Variants in LRRC37A2 observed in about 807,000 individuals in gnomAD.
LRRC37A2 encodes leucine-rich repeat-containing protein 37A2.
Under a neutral mutation model 68.8 loss-of-function variants are expected in LRRC37A2, and 9 were observed. The observed-to-expected ratio is 0.13, with a 90% CI of 0.08 to 0.23. The LOEUF is 0.23. Among genes scored for constraint, LRRC37A2 ranks in the 10% least tolerant of loss-of-function variants. The pLI, the probability that LRRC37A2 is intolerant of heterozygous loss-of-function variation, is 1.00. For missense variants in LRRC37A2, 168 were observed against 950.4 expected, an observed-to-expected ratio of 0.18 and a Z score of 10.82; for synonymous variants, 63 against 367.6, an observed-to-expected ratio of 0.17 and a Z score of 9.48.
chr17:46,541,736 A>C (rs2055359498), intron 8 of LRRC37A2, among the ~76,000 whole-genome samples: 1 of 150,890 alleles, frequency 6.6e-6, no homozygotes, highest in Admixed American at 6.6e-5. Context: ...GAAAATTTAA[A>C]ATACAGTATA....
the LRRC37A2 span, among the ~76,000 whole-genome samples, chr17:46,816,105 G>A: frequency 4.8e-4 from 26 of 53,626 alleles, no homozygotes; most frequent in Admixed American, 2.4e-3. Flanking sequence ...AGGCATGCGC[G>A]CGCACGTACA....
At chr17:46,979,043 C>T in the LRRC37A2 span, 8 of 1,371,566 alleles carry the variant, frequency 5.8e-6, no homozygotes, top group Admixed American at 4.0e-5. Flanking sequence ...CGCGCAGTCC[C>T]GGGTGCACTG....
the LRRC37A2 span, among the ~76,000 whole-genome samples, chr17:46,998,312 G>A: frequency 1.3e-5 from 2 of 152,238 alleles, no homozygotes; most frequent in Non-Finnish European, 2.9e-5. Flanking sequence ...AGTGTGCTGT[G>A]TATGTAGCCT....
chr17:46,386,202 G>A, the LRRC37A2 span, among the ~76,000 whole-genome samples: 2 of 114,902 alleles, frequency 1.7e-5, no homozygotes, highest in East Asian at 2.3e-4. Context: ...GGGCTCAAGC[G>A]ATCCTCCCAC....
At chr17:46,935,353 G>T in the LRRC37A2 span, 1 of 1,458,622 alleles carries the variant, frequency 6.9e-7, no homozygotes. Flanking sequence ...AAAGTACCCA[G>T]TTCCTTTGCC....
At chr17:46,870,123 T>C in the LRRC37A2 span, among the ~76,000 whole-genome samples, 6 of 152,340 alleles carry the variant, frequency 3.9e-5, no homozygotes, top group African/African-American at 9.6e-5. Context: ...TGCAGCTTCA[T>C]TGGCCAAAAT....
the LRRC37A2 span, among the ~76,000 whole-genome samples, chr17:46,804,330 G>C: frequency 6.6e-6 from 1 of 152,070 alleles, no homozygotes; most frequent in Non-Finnish European, 1.5e-5. Context: ...CAAGTGATCT[G>C]CCTGCCTCGG....
chr17:47,023,044 C>T, the LRRC37A2 span, among the ~76,000 whole-genome samples: 7 of 152,318 alleles, frequency 4.6e-5, no homozygotes, highest in East Asian at 1.2e-3. Flanking sequence ...ATTCATTTCC[C>T]GACACCTTTT....
At chr17:47,000,050 A>AAAT in the LRRC37A2 span, among the ~76,000 whole-genome samples, 28 of 30,714 alleles carry the variant, frequency 9.1e-4, no homozygotes, top group African/African-American at 1.8e-3. Context: ...AAATAAAATA[A>AAAT]AATAAAATAA....
At chr17:46,968,536 G>C in the LRRC37A2 span, among the ~76,000 whole-genome samples, 2 of 152,234 alleles carry the variant, frequency 1.3e-5, no homozygotes, top group Admixed American at 1.3e-4. Context: ...ACCATGCCAA[G>C]CTCATCAATC....
the LRRC37A2 span, among the ~76,000 whole-genome samples, chr17:46,676,224 ATTC>A: frequency 3.5e-5 from 5 of 142,710 alleles, no homozygotes; most frequent in South Asian, 4.3e-4. Flanking sequence ...TCCTATGGGA[ATTC>A]TTCTTCTTTT....
the LRRC37A2 span, among the ~76,000 whole-genome samples, chr17:46,865,999 G>A: frequency 2.6e-5 from 4 of 152,180 alleles, no homozygotes; most frequent in Non-Finnish European, 4.4e-5. Flanking sequence ...AAAAGAGGGG[G>A]TGGAGAGAGT....
the LRRC37A2 span, chr17:47,033,357 G>A: frequency 2.9e-6 from 2 of 699,292 alleles, no homozygotes; most frequent in South Asian, 3.0e-5. Flanking sequence ...GGAGCTTGGT[G>A]TGGGGAGATG....
the LRRC37A2 span, among the ~76,000 whole-genome samples, chr17:46,945,739 G>T: frequency 6.6e-6 from 1 of 152,144 alleles, no homozygotes; most frequent in African/African-American, 2.4e-5. Context: ...TGTGCCCCAG[G>T]CATGTGCAGG....
the LRRC37A2 span, among the ~76,000 whole-genome samples, chr17:46,759,690 A>C: frequency 2.0e-5 from 3 of 152,164 alleles, no homozygotes; most frequent in Admixed American, 2.0e-4. Context: ...ATTAGGTAAC[A>C]CCAAGAATCA....
chr17:46,773,761 T>G, the LRRC37A2 span: 1 of 1,613,250 alleles, frequency 6.2e-7, no homozygotes, highest in Non-Finnish European at 8.5e-7. Flanking sequence ...CACTCCTGGA[T>G]GCCCAGCTTC....
At chr17:46,783,961 G>C in the LRRC37A2 span, among the ~76,000 whole-genome samples, 1 of 152,202 alleles carries the variant, frequency 6.6e-6, no homozygotes, top group Non-Finnish European at 1.5e-5. Flanking sequence ...GGTGGGTGCT[G>C]GGAAAGCGGC....
chr17:46,454,266 T>A, the LRRC37A2 span, among the ~76,000 whole-genome samples: 1 of 102,884 alleles, frequency 9.7e-6, no homozygotes, highest in Admixed American at 9.8e-5. Context: ...AATAATTTTT[T>A]AAAATCCTTC....
the LRRC37A2 span, chr17:46,940,025 C>T: frequency 9.6e-7 from 1 of 1,040,568 alleles, no homozygotes; most frequent in Non-Finnish European, 1.2e-6. Flanking sequence ...ATTAACCCTA[C>T]CTTTGGTTGT....
Sources: gnomAD v4.1 joint callset for allele counts (sites outside exome capture counted in the v4.1 genomes callset) on GRCh38, gnomAD v4.1.1 for gene constraint, MANE v1.5 for transcripts, NCBI Gene and HGNC (gene_info 2026-07-23, HGNC 2026-07-21) for gene names.